MACO1: variants seen among roughly 807,000 people sequenced by gnomAD.
MACO1 encodes the protein macoilin.
A neutral mutation model predicts 78.7 loss-of-function variants in MACO1; 14 were observed. That is an observed-to-expected ratio of 0.18 (90% CI 0.12 to 0.28). The LOEUF (loss-of-function observed/expected upper bound fraction) is 0.28, where lower values mean the gene tolerates loss of function less well. MACO1 is among the 10% of genes least tolerant of loss of function. MACO1 has a pLI of 1.00. For missense variants in MACO1, 501 were observed against 799.0 expected (o/e 0.63, Z 4.50); for synonymous variants, 288 against 291.6 (o/e 0.99, Z 0.12).
At chr1:25,461,351 T>TA (rs1298061445) in intron 6 of MACO1, among the ~76,000 whole-genome samples, 1 of 152,040 alleles carries the variant, frequency 6.6e-6, no homozygotes, top group African/African-American at 2.4e-5. Context: ...CCCTAAAACT[T>TA]AAAGTATAAT....
rs532019254 is a variant in MACO1, at chr1:25,489,437, T to C, written c.1617+144T>C. 3.1e-6 allele frequency: 3 copies of C among 969,558 alleles called. No individual in the cohort carries two copies. The Admixed American group carries it at 9.4e-5, about 30-fold the overall frequency. The allele number at this position is 969,558 out of a possible 1,614,324, so 60.1% of individuals were successfully genotyped here. ...GAAAAATCTCTATGTGACAAAAAGA[T>C]TTGAAGTTCTAATCTTGTCCAGCTC... On this transcript the variant is annotated intron_variant, in intron 9 of 10. Coordinates refer to ENST00000374343, the MANE Select transcript of MACO1 (RefSeq NM_018202.6).
chr1:25,449,745 G>A (rs900935891), intron 3 of MACO1, among the ~76,000 whole-genome samples: 24 of 152,172 alleles, frequency 1.6e-4, no homozygotes, highest in African/African-American at 5.3e-4. Flanking sequence ...GGGGCCAGGC[G>A]CAGTGGCTCA....
intron 6 of MACO1, among the ~76,000 whole-genome samples, chr1:25,477,997 G>A (rs2043338165): frequency 6.6e-6 from 1 of 152,206 alleles, no homozygotes; most frequent in African/African-American, 2.4e-5. Flanking sequence ...TGTAATCCCA[G>A]CACTTTGGGA....
chr1:25,484,286 T>C lies in MACO1; in HGVS notation c.1313+12T>C. 3 of 1,580,896 alleles carry C rather than the reference T, an allele frequency of 1.9e-6. No homozygotes were observed. The highest frequency in any genetic ancestry group is 2.6e-6 in the Non-Finnish European group (3 of 1,166,094). ...CTGCTGCAGAACAAGTACGTGCACC[T>C]TTCAGGCCTTTGGCCGTAAGCCCGG... On this transcript the variant is annotated intron_variant, in intron 7 of 10. Coordinates refer to ENST00000374343, the MANE Select transcript of MACO1 (RefSeq NM_018202.6).
At chr1:25,472,061 ACAGGGAAGATAATCT>A (rs2043276202) in intron 6 of MACO1, among the ~76,000 whole-genome samples, 1 of 152,166 alleles carries the variant, frequency 6.6e-6, no homozygotes, top group Admixed American at 6.5e-5. Flanking sequence ...TCAGCCAGGA[ACAGGGAAGATAATCT>A]CAGTTTGCCT....
intron 3 of MACO1, among the ~76,000 whole-genome samples, chr1:25,451,471 T>C (rs955692448): frequency 6.6e-6 from 1 of 152,218 alleles, no homozygotes; most frequent in Non-Finnish European, 1.5e-5. Context: ...TATTTTTTTC[T>C]GTAATGTGCT....
intron 5 of MACO1, 125 bp from the exon 6 acceptor site, chr1:25,458,266 G>A (rs1571965179): frequency 7.6e-7 from 1 of 1,313,600 alleles, no homozygotes; most frequent in East Asian, 2.4e-5. Flanking sequence ...AGCGTATAAT[G>A]AGTGTGCAAA....
At chr1:25,479,632 C>G (rs2043353259) in intron 6 of MACO1, among the ~76,000 whole-genome samples, 1 of 152,124 alleles carries the variant, frequency 6.6e-6, no homozygotes, top group Admixed American at 6.6e-5. Flanking sequence ...TGGTCTCGAA[C>G]TCTTGACCTC....
intron 1 of MACO1, among the ~76,000 whole-genome samples, chr1:25,440,491 G>A (rs754075862): frequency 1.2e-4 from 18 of 151,618 alleles, no homozygotes; most frequent in Non-Finnish European, 2.4e-4. Flanking sequence ...ATAAATTGCT[G>A]AGCACAGTGG....
At position 25,480,927 on chromosome 1, in the gene MACO1, AAAATATATATATATAT is replaced by A. The variant is rs1332451162; in HGVS notation, c.1155-3187_1155-3172del. On this transcript the variant is annotated intron_variant, in intron 6 of 10. Transcript: ENST00000374343. ...TGAGACTTGGTTAAAAAAAAAAAAA[AAAATATATATATATAT>A]ATATATATATATATATATATATATA... Among the ~76,000 whole-genome samples the A allele has an allele frequency of 8.0e-3, 239 of 29,800 alleles. 2 individuals are homozygous for A. Among genetic ancestry groups the A allele is most frequent in the African/African-American group, 0.022 (216 of 9,676 alleles). The allele number at this position is 29,800 out of a possible 152,430, so 19.5% of individuals were successfully genotyped here.
intron 7 of MACO1, among the ~76,000 whole-genome samples, chr1:25,484,575 C>T (rs1450278120): frequency 6.6e-6 from 1 of 152,134 alleles, no homozygotes; most frequent in Non-Finnish European, 1.5e-5. Flanking sequence ...AGAAGTAGTT[C>T]TGTCACATTT....
intron 6 of MACO1, among the ~76,000 whole-genome samples, chr1:25,479,811 A>G (rs1271232693): frequency 1.3e-5 from 2 of 152,216 alleles, no homozygotes; most frequent in Non-Finnish European, 2.9e-5. Context: ...CGTCCATACA[A>G]TGGAATATTA....
chr1:25,461,776 A>G (rs910537904), intron 6 of MACO1, among the ~76,000 whole-genome samples: 1 of 152,242 alleles, frequency 6.6e-6, no homozygotes, highest in African/African-American at 2.4e-5. Flanking sequence ...AATTTTTTCT[A>G]ATATACATAG....
chr1:25,472,003 G>A (rs1263649491), intron 6 of MACO1, among the ~76,000 whole-genome samples: 6 of 152,150 alleles, frequency 3.9e-5, no homozygotes, highest in Non-Finnish European at 7.3e-5. Context: ...CTCTGGCAGT[G>A]GGGTTGGTTG....
At chr1:25,494,394 G>A (rs1336149415) in intron 10 of MACO1, among the ~76,000 whole-genome samples, 3 of 152,172 alleles carry the variant, frequency 2.0e-5, no homozygotes, top group Non-Finnish European at 4.4e-5. Flanking sequence ...ATAAGCAAAG[G>A]AAAGAAGGTG....
intron 4 of MACO1, 22 bp downstream of exon 4, chr1:25,454,404 G>C: frequency 7.1e-7 from 1 of 1,401,740 alleles, no homozygotes. Context: ...ATAAATGTAT[G>C]TGTGTGTGTG....
At chr1:25,449,202 A>G (rs536885792) in intron 3 of MACO1, among the ~76,000 whole-genome samples, 2 of 152,290 alleles carry the variant, frequency 1.3e-5, no homozygotes, top group Non-Finnish European at 2.9e-5. Context: ...AAAAAAAAAT[A>G]GTTGGACTGA....
chr1:25,463,935 G>A (rs2124590836), intron 6 of MACO1, among the ~76,000 whole-genome samples: 1 of 152,224 alleles, frequency 6.6e-6, no homozygotes, highest in East Asian at 1.9e-4. Flanking sequence ...CACATGCCTA[G>A]CCTTCCCATT....
chr1:25,475,938 GATTTA>G (rs2043318419), intron 6 of MACO1, among the ~76,000 whole-genome samples: 1 of 152,012 alleles, frequency 6.6e-6, no homozygotes, highest in Admixed American at 6.6e-5. Flanking sequence ...ATTTTTTAAT[GATTTA>G]ATTTTTTAAT....
Sources: gnomAD v4.1 joint callset for allele counts (sites outside exome capture counted in the v4.1 genomes callset) on GRCh38, gnomAD v4.1.1 for gene constraint, MANE v1.5 for transcripts, NCBI Gene and HGNC (gene_info 2026-07-23, HGNC 2026-07-21) for gene names.